MSI2: variants seen among roughly 807,000 people sequenced by gnomAD.
The protein encoded by MSI2 is musashi RNA binding protein 2.
MSI2 carries 17 observed loss-of-function variants against 45.6 expected under a neutral mutation model. The observed-to-expected ratio is 0.37, with a 90% confidence interval of 0.26 to 0.56. The LOEUF is 0.56. MSI2 is among the 20% of genes least tolerant of loss of function. The probability of loss-of-function intolerance (pLI) is 0.77; values close to 1 mark genes in which losing one functional copy is unlikely to be tolerated. For synonymous variants in MSI2, 156 were observed against 158.2 expected (o/e 0.99, Z 0.11); for missense variants, 293 against 444.2 (o/e 0.66, Z 3.06).
intron 6 of MSI2, among the ~76,000 whole-genome samples, chr17:57,424,770 C>CT (rs1248690477): frequency 3.9e-5 from 6 of 152,074 alleles, no homozygotes; most frequent in Non-Finnish European, 7.4e-5. Context: ...CCTGTGGCCT[C>CT]TGTGCCTGAT....
intron 6 of MSI2, among the ~76,000 whole-genome samples, chr17:57,521,934 C>A (rs2086594108): frequency 6.6e-6 from 1 of 152,202 alleles, no homozygotes; most frequent in African/African-American, 2.4e-5. Flanking sequence ...TAAAGACAGA[C>A]CAACCCCACC....
chr17:57,518,698 C>G (rs2086521484), intron 6 of MSI2, among the ~76,000 whole-genome samples: 1 of 152,118 alleles, frequency 6.6e-6, no homozygotes, highest in African/African-American at 2.4e-5. Context: ...TGGGGAGAGG[C>G]TGGAGAGGGG....
chr17:57,584,540 G>A (rs2088292766), intron 7 of MSI2, among the ~76,000 whole-genome samples: 1 of 152,184 alleles, frequency 6.6e-6, no homozygotes, highest in Admixed American at 6.5e-5. Context: ...GGACTGGTCT[G>A]AAACCATACC....
intron 5 of MSI2, among the ~76,000 whole-genome samples, chr17:57,300,917 C>T (rs569758932): frequency 1.3e-5 from 2 of 152,210 alleles, no homozygotes; most frequent in Non-Finnish European, 2.9e-5. Context: ...ATTATGAGAG[C>T]TACAATTCAA....
intron 6 of MSI2, among the ~76,000 whole-genome samples, chr17:57,412,860 T>G (rs1327555046): frequency 6.6e-6 from 1 of 152,240 alleles, no homozygotes; most frequent in Non-Finnish European, 1.5e-5. Context: ...GCTCATCTGT[T>G]TACTAGCTTG....
At chr17:57,351,779 C>T (rs1410240613) in intron 5 of MSI2, among the ~76,000 whole-genome samples, 1 of 152,192 alleles carries the variant, frequency 6.6e-6, no homozygotes, top group African/African-American at 2.4e-5. Flanking sequence ...GCGTTTGAAC[C>T]CAGGAGGCAA....
At chr17:57,593,974 C>T (rs1278334911) in intron 7 of MSI2, among the ~76,000 whole-genome samples, 3 of 152,218 alleles carry the variant, frequency 2.0e-5, no homozygotes, top group Non-Finnish European at 4.4e-5. Flanking sequence ...GTGCCTAGCA[C>T]AGGTGGCAGC....
At chr17:57,284,365 T>C (rs1909684693) in intron 5 of MSI2, among the ~76,000 whole-genome samples, 1 of 152,058 alleles carries the variant, frequency 6.6e-6, no homozygotes, top group Non-Finnish European at 1.5e-5. Context: ...GTAGTACAGC[T>C]GCTGGCCTAG....
chr17:57,526,359 G>GTGTGTA (rs2086697481), intron 6 of MSI2, among the ~76,000 whole-genome samples: 1 of 66,932 alleles, frequency 1.5e-5, no homozygotes, highest in Non-Finnish European at 3.8e-5. Flanking sequence ...ATACCTGGGT[G>GTGTGTA]TGTGTGTGTG....
intron 11 of MSI2, among the ~76,000 whole-genome samples, chr17:57,667,827 C>T (rs946010320): frequency 2.6e-5 from 4 of 152,212 alleles, no homozygotes; most frequent in African/African-American, 7.2e-5. Flanking sequence ...CTTCCCAACC[C>T]GCCAGTCCAG....
At chr17:57,349,504 T>G (rs792393) in intron 5 of MSI2, among the ~76,000 whole-genome samples, 1 of 152,008 alleles carries the variant, frequency 6.6e-6, no homozygotes, top group Non-Finnish European at 1.5e-5. Flanking sequence ...TAAAGAAATA[T>G]AGGAAAGCTC....
chr17:57,418,337 C>T (rs757920741), intron 6 of MSI2, among the ~76,000 whole-genome samples: 5 of 152,188 alleles, frequency 3.3e-5, no homozygotes, highest in Non-Finnish European at 7.3e-5. Flanking sequence ...TGGCTATGCT[C>T]ATTTGAAATA....
At chr17:57,496,983 A>G (rs2085992226) in intron 6 of MSI2, among the ~76,000 whole-genome samples, 1 of 151,994 alleles carries the variant, frequency 6.6e-6, no homozygotes, top group South Asian at 2.1e-4. Context: ...GGACCCTTTA[A>G]TTTTTTTATT....
intron 5 of MSI2, among the ~76,000 whole-genome samples, chr17:57,326,392 T>G (rs978739259): frequency 3.3e-5 from 5 of 152,114 alleles, no homozygotes; most frequent in Non-Finnish European, 7.4e-5. Context: ...ATACATGACT[T>G]ATTACCTGTC....
At chr17:57,576,113 C>T (rs1248641286) in intron 7 of MSI2, among the ~76,000 whole-genome samples, 1 of 152,186 alleles carries the variant, frequency 6.6e-6, no homozygotes, top group African/African-American at 2.4e-5. Flanking sequence ...TGTGGGAAGG[C>T]CATCCTTTAA....
At chr17:57,698,824 G>C in the MSI2 span, among the ~76,000 whole-genome samples, 77 of 151,790 alleles carry the variant, frequency 5.1e-4, 2 homozygotes, top group South Asian at 7.1e-3. Flanking sequence ...CAGCAGCATA[G>C]TTCCTCTCCT....
intron 5 of MSI2, among the ~76,000 whole-genome samples, chr17:57,387,558 A>G (rs2083707228): frequency 6.6e-6 from 1 of 152,210 alleles, no homozygotes; most frequent in Non-Finnish European, 1.5e-5. Flanking sequence ...GCAGATAAAG[A>G]CACTGCCTTG....
rs963741019 is a variant in MSI2, at chr17:57,280,376, T to C, written c.312+18184T>C. Reference sequence around the variant, plus strand: ...GGGGGAATCAGTGAGTAAGTTGTTGTGGTGATCCACTTGAGGAAGGATGGC... The same window carrying C: ...GGGGGAATCAGTGAGTAAGTTGTTGCGGTGATCCACTTGAGGAAGGATGGC... On this transcript the variant is annotated intron_variant, in intron 5 of 13. Transcript: ENST00000284073. This position sits in a 1 kb window ranked among gnomAD's most constrained non-coding sequence, Gnocchi z 4.2. Among the ~76,000 whole-genome samples, 1 of 152,156 alleles carries C rather than the reference T, an allele frequency of 6.6e-6. No homozygotes were observed. Among genetic ancestry groups the C allele is most frequent in the African/African-American group, 2.4e-5 (1 of 41,416 alleles).
intron 11 of MSI2, among the ~76,000 whole-genome samples, chr17:57,671,982 T>C (rs1483306638): frequency 6.6e-6 from 1 of 152,210 alleles, no homozygotes; most frequent in Admixed American, 6.5e-5. Flanking sequence ...CTCTCTTCCA[T>C]GCGCCCAGCC....
Sources: allele counts gnomAD v4.1 joint callset (sites outside exome capture counted in the v4.1 genomes callset), GRCh38; gene constraint gnomAD v4.1.1; non-coding constraint Gnocchi (gnomAD v3.1); transcripts MANE v1.5; gene names NCBI Gene and HGNC (gene_info 2026-07-23, HGNC 2026-07-21).